Variants in ATP8A2 observed in about 807,000 individuals in gnomAD.
The protein encoded by ATP8A2 is ATPase phospholipid transporting 8A2, also known as phospholipid-transporting ATPase IB.
In ATP8A2, 100 loss-of-function variants were observed where a neutral mutation model predicts 165.6. The observed-to-expected ratio is 0.60, with a 90% CI of 0.51 to 0.71. ATP8A2 has a LOEUF of 0.71. Among genes scored for constraint, ATP8A2 ranks in the 30% least tolerant of loss-of-function variants. The pLI is 0.00. For missense variants in ATP8A2, 1,227 were observed against 1,479.5 expected, an observed-to-expected ratio of 0.83 and a Z score of 2.80; for synonymous variants, 543 against 548.8, an observed-to-expected ratio of 0.99 and a Z score of 0.15.
chr13:25,447,184 T>A (rs2035092462), intron 1 of ATP8A2, among the ~76,000 whole-genome samples: 2 of 152,240 alleles, frequency 1.3e-5, no homozygotes, highest in South Asian at 4.1e-4. Flanking sequence ...ATTTAGGTTT[T>A]GACAAATAAT....
intron 33 of ATP8A2, among the ~76,000 whole-genome samples, chr13:25,864,042 C>T (rs1452546050): frequency 1.3e-5 from 2 of 152,144 alleles, no homozygotes; most frequent in Admixed American, 6.5e-5. Context: ...AAAAAGCAAA[C>T]CAAGAAAAGT....
chr13:25,690,879 C>T, intron 24 of ATP8A2, among the ~76,000 whole-genome samples: 1 of 152,102 alleles, frequency 6.6e-6, no homozygotes, highest in East Asian at 1.9e-4. Flanking sequence ...CGTAAGTCTA[C>T]ACAGAGACCA....
intron 1 of ATP8A2, among the ~76,000 whole-genome samples, chr13:25,440,884 T>C (rs1272133562): frequency 6.6e-6 from 1 of 152,220 alleles, no homozygotes; most frequent in Non-Finnish European, 1.5e-5. Context: ...TTTCAATATG[T>C]TGAGACCCTT....
At chr13:25,685,833 A>G (rs7338398) in intron 24 of ATP8A2, among the ~76,000 whole-genome samples, 3 of 152,012 alleles carry the variant, frequency 2.0e-5, no homozygotes, top group Non-Finnish European at 4.4e-5. Context: ...CCTGCCTTCC[A>G]TGGTAACAGG....
intron 33 of ATP8A2, among the ~76,000 whole-genome samples, chr13:25,955,928 C>A (rs1955508643): frequency 6.6e-6 from 1 of 152,092 alleles, no homozygotes; most frequent in Non-Finnish European, 1.5e-5. Context: ...TTATCTATTA[C>A]CATCAAGTCA....
chr13:25,599,628 C>T (rs2040329308), intron 24 of ATP8A2, among the ~76,000 whole-genome samples: 1 of 152,114 alleles, frequency 6.6e-6, no homozygotes. Context: ...TAATTTATTG[C>T]CCCTAGTGTG....
At chr13:25,665,896 T>C (rs2042143414) in intron 24 of ATP8A2, among the ~76,000 whole-genome samples, 1 of 149,296 alleles carries the variant, frequency 6.7e-6, no homozygotes, top group South Asian at 2.1e-4. Flanking sequence ...TAATAAAATA[T>C]GTTCATAATA....
intron 33 of ATP8A2, among the ~76,000 whole-genome samples, chr13:25,939,091 C>A (rs1954994942): frequency 6.6e-6 from 1 of 152,190 alleles, no homozygotes; most frequent in African/African-American, 2.4e-5. Flanking sequence ...GATCCATCCG[C>A]CTTGGCCTCC....
At position 25,427,051 on chromosome 13, in the gene ATP8A2, G is replaced by C. The variant is rs185745716; in HGVS notation, c.77-41926G>C. ...GTTAATAAAGGGGGAAAGCCAGAGG[G>C]GGTGTGAGAGAGTATGTGGGAACTC... On this transcript the variant is annotated intron_variant, in intron 1 of 36. Transcript: ENST00000381655. Among the ~76,000 whole-genome samples the C allele has an allele frequency of 9.6e-4, 146 of 152,300 alleles. 2 individuals carry two copies. In the East Asian group the frequency reaches 0.028, roughly 29 times the overall value.
At chr13:25,985,513 C>T (rs1054207713) in intron 35 of ATP8A2, among the ~76,000 whole-genome samples, 1 of 152,172 alleles carries the variant, frequency 6.6e-6, no homozygotes, top group East Asian at 1.9e-4. Flanking sequence ...AGAGAAGCAC[C>T]TAGCTTGTTT....
At chr13:25,827,890 T>G (rs556613100) in intron 27 of ATP8A2, among the ~76,000 whole-genome samples, 5 of 152,388 alleles carry the variant, frequency 3.3e-5, no homozygotes, top group Non-Finnish European at 5.9e-5. Flanking sequence ...GTGCATATTA[T>G]CTCTGAAAGT....
chr13:25,763,193 T>C lies in ATP8A2; in HGVS notation c.2385-5853T>C, dbSNP rs140425015. On this transcript the variant is annotated intron_variant, in intron 25 of 36. Transcript: ENST00000381655. ...TTAACAATGGGGTGCACGTAGTCAC[T>C]CTGAAACCCATTCGCTCATGGATTG... Among the ~76,000 whole-genome samples the C allele has an allele frequency of 2.8e-3, 431 of 152,292 alleles. 5 individuals are homozygous for C. The highest frequency in any genetic ancestry group is 4.3e-3 in the Non-Finnish European group (290 of 68,010).
chr13:25,786,754 GTTTT>G (rs1555266490), intron 27 of ATP8A2, among the ~76,000 whole-genome samples: 1 of 134,644 alleles, frequency 7.4e-6, no homozygotes. Flanking sequence ...ACAATTCTAT[GTTTT>G]TTTTTTTTTT....
At chr13:25,734,045 T>C (rs2138105385) in intron 25 of ATP8A2, among the ~76,000 whole-genome samples, 1 of 152,356 alleles carries the variant, frequency 6.6e-6, no homozygotes, top group East Asian at 1.9e-4. Flanking sequence ...CCTTTAACTT[T>C]CTCTTCATGT....
At chr13:25,727,047 C>T (rs1165127485) in intron 25 of ATP8A2, among the ~76,000 whole-genome samples, 3 of 152,132 alleles carry the variant, frequency 2.0e-5, no homozygotes, top group East Asian at 1.9e-4. Flanking sequence ...ATATCCCCGT[C>T]CTTCTCCATC....
intron 1 of ATP8A2, among the ~76,000 whole-genome samples, chr13:25,467,401 T>G (rs1387869191): frequency 6.6e-6 from 1 of 152,226 alleles, no homozygotes; most frequent in Non-Finnish European, 1.5e-5. Flanking sequence ...GAGTTTACAT[T>G]TCGCTTGTCC....
intron 2 of ATP8A2, among the ~76,000 whole-genome samples, chr13:25,489,547 C>T (rs1159996795): frequency 6.6e-6 from 1 of 152,200 alleles, no homozygotes; most frequent in East Asian, 1.9e-4. Flanking sequence ...GCTGTGTCAT[C>T]CTTGATGACA....
intron 20 of ATP8A2, among the ~76,000 whole-genome samples, chr13:25,578,517 T>C (rs1000100895): frequency 6.6e-6 from 1 of 152,210 alleles, no homozygotes; most frequent in Non-Finnish European, 1.5e-5. Flanking sequence ...GATATGAGTT[T>C]TGCAAATTTT....
intron 35 of ATP8A2, among the ~76,000 whole-genome samples, chr13:25,970,790 G>C (rs2139216091): frequency 1.3e-5 from 2 of 152,300 alleles, no homozygotes; most frequent in East Asian, 3.9e-4. Flanking sequence ...GTCGTGGGCT[G>C]TCAGCCTTGA....
Sources: gnomAD v4.1 joint callset for allele counts (sites outside exome capture counted in the v4.1 genomes callset) on GRCh38, gnomAD v4.1.1 for gene constraint, MANE v1.5 for transcripts, NCBI Gene and HGNC (gene_info 2026-07-23, HGNC 2026-07-21) for gene names.